The following SARDH variants were observed in gnomAD, a reference collection of about 807,000 sequenced individuals.
The protein encoded by SARDH is sarcosine dehydrogenase.
SARDH carries 95 observed loss-of-function variants against 109.1 expected under a neutral mutation model. That is an observed-to-expected ratio of 0.87 (90% CI 0.74 to 1.03). The LOEUF (loss-of-function observed/expected upper bound fraction) is 1.03, where lower values mean the gene tolerates loss of function less well. SARDH is among the 50% of genes least tolerant of loss of function. The pLI is 0.00. For missense variants in SARDH, 1,267 were observed against 1,287.8 expected (o/e 0.98, Z 0.25); for synonymous variants, 572 against 534.8 (o/e 1.07, Z -0.96).
Position 133,693,530 on chromosome 9 carries a change from A to G in SARDH, c.1921+728T>C, listed in dbSNP as rs12345442. ...GCACGGTCAGCACCTTCCCCTGTGC[A>G]GGTCCCATCCCAGAGGTGGCAATGC... On this transcript the variant is annotated intron_variant, in intron 15 of 20. Coordinates refer to ENST00000439388, the MANE Select transcript of SARDH (RefSeq NM_001134707.2). This position sits in a 1 kb window ranked among gnomAD's most constrained non-coding sequence, Gnocchi z 5.6. Among the ~76,000 whole-genome samples, 6,501 of 152,314 alleles carry G rather than the reference A, an allele frequency of 0.043. 391 individuals are homozygous for G. The highest frequency in any genetic ancestry group is 0.13 in the African/African-American group (5,199 of 41,558).
chr9:133,689,225 C>G (rs574170480), intron 16 of SARDH, among the ~76,000 whole-genome samples: 3 of 151,778 alleles, frequency 2.0e-5, no homozygotes, highest in South Asian at 4.2e-4. Context: ...CATCCTCTCC[C>G]CGAAGCTGCC....
rs756240856 is a variant in SARDH, at chr9:133,731,317, G to T, written c.678C>A (p.Ala226=). 1.4e-5 allele frequency: 22 copies of T among 1,614,134 alleles called. 1 individual carries two copies. The South Asian group carries it at 2.4e-4, about 18-fold the overall frequency. The change falls in exon 4 of 21, where the codon GCC becomes GCA. Residue 226 remains alanine, a synonymous_variant. Coordinates refer to ENST00000439388, the MANE Select transcript of SARDH (RefSeq NM_001134707.2). ...CGGCCATCAGTACCTGTGCTCCTCG[G>T]GCAGAAGCTGCCCTGGCGAGGGTGG... ...TCTTLARAAS[A]RGAQVIENCP... is the part of the protein sequence containing the mutation.
In SARDH at chr9:133,666,948, TG is replaced by T. The variant is rs1564225419; in HGVS notation, c.2496-79del. ...GCGTCCACAGCGGCCTGGAGGAGAATGGGGGGCTGCATGATGCACACCCAAC... is the reference window on the plus strand; with the variant it reads ...GCGTCCACAGCGGCCTGGAGGAGAATGGGGGCTGCATGATGCACACCCAAC... On this transcript the variant is annotated intron_variant, in intron 19 of 20. Coordinates refer to ENST00000439388, the MANE Select transcript of SARDH (RefSeq NM_001134707.2). The surrounding 1 kb of genome is among the most constrained non-coding windows in gnomAD (Gnocchi z 5.2). 3.2e-6 allele frequency: 5 copies of T among 1,570,428 alleles called. No individual in the cohort carries two copies. Among genetic ancestry groups the T allele is most frequent in the South Asian group, 2.3e-5 (2 of 86,840 alleles).
chr9:133,699,515 A>C (rs185846750), intron 13 of SARDH, among the ~76,000 whole-genome samples: 126 of 152,268 alleles, frequency 8.3e-4, no homozygotes, highest in Middle Eastern at 6.8e-3. Flanking sequence ...TCAAATAATA[A>C]TAATAATAAT....
Position 133,666,915 on chromosome 9 carries a change from G to T in SARDH, c.2496-45C>A. 1 of 1,608,452 alleles carries T rather than the reference G, an allele frequency of 6.2e-7. No homozygotes were observed. Among genetic ancestry groups the T allele is most frequent in the Non-Finnish European group, 8.5e-7 (1 of 1,178,008 alleles). On this transcript the variant is annotated intron_variant, in intron 19 of 20. Transcript: ENST00000439388. The surrounding 1 kb of genome is among the most constrained non-coding windows in gnomAD (Gnocchi z 5.2). ...AAGCTGGGGCCCCAGAAACCGCAGG[G>T]TGGGGACGCGTCCACAGCGGCCTGG...
intron 16 of SARDH, 54 bp from the exon 17 acceptor site, chr9:133,685,340 G>A: frequency 6.7e-7 from 1 of 1,482,834 alleles, no homozygotes; most frequent in Non-Finnish European, 9.2e-7. Flanking sequence ...GTGGGGCCTG[G>A]GCAGGAAAGG....
chr9:133,718,039 C>T lies in SARDH; in HGVS notation c.1021-584G>A, dbSNP rs746992260. 6.6e-6 allele frequency among the ~76,000 whole-genome samples: 1 copy of T among 152,164 alleles called. No individual in the cohort carries two copies. The highest frequency in any genetic ancestry group is 1.5e-5 in the Non-Finnish European group (1 of 68,042). On this transcript the variant is annotated intron_variant, in intron 7 of 20. Coordinates refer to ENST00000439388, the MANE Select transcript of SARDH (RefSeq NM_001134707.2). This position sits in a 1 kb window ranked among gnomAD's most constrained non-coding sequence, Gnocchi z 4.2. ...CTTAACCTGCTAATTTTATTCAGTG[C>T]GCGATCATCTTCCAGAATTTCATTC...
At chr9:133,665,950 C>T (rs558570294) in intron 20 of SARDH, among the ~76,000 whole-genome samples, 3 of 152,252 alleles carry the variant, frequency 2.0e-5, no homozygotes, top group African/African-American at 7.2e-5. Flanking sequence ...AGACACGACC[C>T]TCCTCACCGG....
rs1350773000 is a variant in SARDH, at chr9:133,689,297, C to T, written c.2069+1083G>A. Among the ~76,000 whole-genome samples the T allele has an allele frequency of 2.0e-5, 3 of 152,180 alleles. No individual in the cohort carries two copies. In the East Asian group the frequency reaches 5.8e-4, roughly 29 times the overall value. ...TCCTCCATGTCCCCAGAAGCAGTGC[C>T]CTCATCTCGTGCCTCTTCCTCCTGC... On this transcript the variant is annotated intron_variant, in intron 16 of 20. Transcript: ENST00000439388.
chr9:133,692,989 G>C lies in SARDH; in HGVS notation c.1921+1269C>G, dbSNP rs780052927. Among the ~76,000 whole-genome samples the C allele has an allele frequency of 6.6e-6, 1 of 152,032 alleles. No homozygotes were observed. The highest frequency in any genetic ancestry group is 1.5e-5 in the Non-Finnish European group (1 of 67,998). On this transcript the variant is annotated intron_variant, in intron 15 of 20. Transcript: ENST00000439388. The surrounding 1 kb of genome is among the most constrained non-coding windows in gnomAD (Gnocchi z 5.0). Reference sequence around the variant, plus strand: ...ACTACTCCCTGCTTTTGGCAGAACCGCAGAGGCCCAGGAGCCCCTGCCAGC... The same window carrying C: ...ACTACTCCCTGCTTTTGGCAGAACCCCAGAGGCCCAGGAGCCCCTGCCAGC...
intron 6 of SARDH, among the ~76,000 whole-genome samples, chr9:133,726,439 C>T (rs1216738659): frequency 1.5e-5 from 2 of 134,110 alleles, no homozygotes; most frequent in Admixed American, 1.5e-4. Flanking sequence ...TCTGCTAGCA[C>T]TACTACTCTA....
intron 16 of SARDH, 28 bp downstream of exon 16, chr9:133,690,352 C>A: frequency 6.3e-7 from 1 of 1,595,398 alleles, no homozygotes; most frequent in South Asian, 1.1e-5. Context: ...CAGGTGCACC[C>A]AGGGGCGGGC....
chr9:133,661,965 T>G (rs531730660), downstream of SARDH, among the ~76,000 whole-genome samples: 76 of 152,252 alleles, frequency 5.0e-4, no homozygotes, highest in African/African-American at 1.8e-3. Flanking sequence ...TGTGATGTGG[T>G]CCCCGGGCGG....
downstream of SARDH, among the ~76,000 whole-genome samples, chr9:133,661,281 A>G (rs1444019050): frequency 3.3e-5 from 5 of 150,186 alleles, no homozygotes; most frequent in African/African-American, 1.2e-4. Context: ...TGGAGGTTGT[A>G]GTGAGCTGAG....
At chr9:133,685,056 C>A (rs904123645) in intron 17 of SARDH, 137 bp downstream of exon 17, 1 of 672,448 alleles carries the variant, frequency 1.5e-6, no homozygotes, top group Non-Finnish European at 2.5e-6. Context: ...CCCACTGTCC[C>A]CCCTTCACAG....
chr9:133,734,735 CAG>C (rs1033369069), intron 1 of SARDH, among the ~76,000 whole-genome samples: 2 of 152,170 alleles, frequency 1.3e-5, no homozygotes, highest in African/African-American at 4.8e-5. Context: ...GGACTGAGGA[CAG>C]AGGACCAATA....
chr9:133,712,656 C>T lies in SARDH; in HGVS notation c.1291G>A (p.Gly431Arg). 4.3e-6 allele frequency: 7 copies of T among 1,610,508 alleles called. No homozygotes were observed. Among genetic ancestry groups the T allele is most frequent in the Non-Finnish European group, 5.9e-6 (7 of 1,179,984 alleles). The change falls in exon 10 of 21, where the codon GGG (glycine) becomes AGG (arginine). Residue 431 changes from glycine to arginine, a missense_variant. By Grantham distance (125) the Gly-to-Arg change is moderately radical. Coordinates refer to ENST00000439388, the MANE Select transcript of SARDH (RefSeq NM_001134707.2). This position sits in a 1 kb window ranked among gnomAD's most constrained non-coding sequence, Gnocchi z 4.1. ...CCATGCATGTCCTTCTCCGGGCGCC[C>T]ATGGATGATCCAGTGGGCCAGCTCC... is the stretch of plus-strand genomic sequence containing the variant. ...GQELAHWIIH[G>R]RPEKDMHGYD...
intron 18 of SARDH, 22 bp from the exon 19 acceptor site, chr9:133,670,774 G>C: frequency 6.5e-7 from 1 of 1,550,074 alleles, no homozygotes; most frequent in Non-Finnish European, 8.7e-7. Context: ...GAATCCATGG[G>C]GTCGGTGCCA....
intron 4 of SARDH, among the ~76,000 whole-genome samples, chr9:133,730,423 G>C (rs1316394590): frequency 2.0e-5 from 3 of 151,342 alleles, no homozygotes; most frequent in Non-Finnish European, 4.4e-5. Flanking sequence ...CTTGACTTGT[G>C]GGGGGAACCC....
Sources: gnomAD v4.1 joint callset for allele counts (sites outside exome capture counted in the v4.1 genomes callset) on GRCh38, gnomAD v4.1.1 for gene constraint, Gnocchi (gnomAD v3.1) non-coding constraint, MANE v1.5 for transcripts, NCBI Gene and HGNC (gene_info 2026-07-23, HGNC 2026-07-21) for gene names.